Variants in CPNE4 observed in about 807,000 individuals in gnomAD.
The protein encoded by CPNE4 is copine 4.
Under a neutral mutation model 67.9 loss-of-function variants are expected in CPNE4, and 25 were observed. That is an observed-to-expected ratio of 0.37 (90% confidence interval 0.27 to 0.51). CPNE4 has a LOEUF of 0.51. CPNE4 is among the 20% of genes least tolerant of loss of function. CPNE4 has a pLI of 0.93. For synonymous variants in CPNE4, 242 were observed against 244.9 expected (o/e 0.99, Z 0.11); for missense variants, 464 against 690.8 (o/e 0.67, Z 3.68).
chr3:131,730,994 A>G (rs981433493), intron 2 of CPNE4, among the ~76,000 whole-genome samples: 2 of 152,188 alleles, frequency 1.3e-5, no homozygotes, highest in Admixed American at 1.3e-4. Flanking sequence ...CTTAATGGAT[A>G]TATCTCCAAA....
At chr3:131,542,443 T>C (rs1935556776) in intron 15 of CPNE4, 114 bp downstream of exon 15, 2 of 777,794 alleles carry the variant, frequency 2.6e-6, no homozygotes, top group African/African-American at 1.7e-5. Flanking sequence ...AGAGCATAGC[T>C]GGTGTTGCTT....
At chr3:131,541,795 C>T (rs570302221) in intron 15 of CPNE4, among the ~76,000 whole-genome samples, 4 of 152,084 alleles carry the variant, frequency 2.6e-5, no homozygotes, top group Admixed American at 6.5e-5. Flanking sequence ...CTCAGCCTCC[C>T]GAGTAGCTGG....
Position 131,542,603 on chromosome 3 carries a change from A to G in CPNE4, c.1493T>C (p.Val498Ala). The G allele has an allele frequency of 6.2e-7, 1 of 1,614,098 alleles. No individual in the cohort carries two copies. Among genetic ancestry groups the G allele is most frequent in the Non-Finnish European group, 8.5e-7 (1 of 1,179,980 alleles). Residue 498 changes from valine (V) to alanine (A), a missense_variant, in exon 15 of 16, where the codon GTT (valine) becomes GCT (alanine). Physicochemically the swap from Val to Ala is moderately conservative, Grantham distance 64. Transcript: ENST00000429747. ...GILRSPKGEP[V>A]LRDIVQFVPF... ...CACGAACTGGACGATGTCTCGAAGA[A>G]CAGGCTCTCCCTTGGGTGACCTCAG...
intron 1 of CPNE4, among the ~76,000 whole-genome samples, chr3:131,995,015 G>T (rs901631765): frequency 6.6e-6 from 1 of 152,044 alleles, no homozygotes; most frequent in Admixed American, 6.5e-5. Context: ...AAAGGGTCTT[G>T]TTGTTTGTTT....
intron 1 of CPNE4, among the ~76,000 whole-genome samples, chr3:131,957,690 TG>T (rs2107909594): frequency 6.6e-6 from 1 of 152,294 alleles, no homozygotes; most frequent in Non-Finnish European, 1.5e-5. Context: ...CTGCTAACTG[TG>T]GGAGGCATTT....
intron 2 of CPNE4, among the ~76,000 whole-genome samples, chr3:131,739,014 A>G (rs934189520): frequency 5.9e-5 from 9 of 151,832 alleles, no homozygotes; most frequent in African/African-American, 1.9e-4. Context: ...GCCACCACAC[A>G]GGGCTAATTT....
intron 7 of CPNE4, among the ~76,000 whole-genome samples, chr3:131,611,530 C>T (rs1939840408): frequency 6.6e-6 from 1 of 152,112 alleles, no homozygotes; most frequent in Non-Finnish European, 1.5e-5. Flanking sequence ...GTTGGACTTA[C>T]TTATTTAAAT....
At chr3:131,986,609 T>C (rs988371685) in intron 1 of CPNE4, among the ~76,000 whole-genome samples, 3 of 152,008 alleles carry the variant, frequency 2.0e-5, no homozygotes, top group African/African-American at 7.2e-5. Flanking sequence ...AACATAGAAC[T>C]TAAGGAGGCT....
At chr3:131,871,842 T>C (rs1262299045) in intron 2 of CPNE4, among the ~76,000 whole-genome samples, 2 of 152,222 alleles carry the variant, frequency 1.3e-5, no homozygotes, top group African/African-American at 4.8e-5. Context: ...CTCTTTTTCA[T>C]TGACCAGCTC....
At chr3:131,734,833 G>C (rs2082200735) in intron 2 of CPNE4, among the ~76,000 whole-genome samples, 1 of 152,168 alleles carries the variant, frequency 6.6e-6, no homozygotes, top group Non-Finnish European at 1.5e-5. Flanking sequence ...CGAGGCTGCA[G>C]TGAGCCATGA....
intron 7 of CPNE4, among the ~76,000 whole-genome samples, chr3:131,666,131 C>T (rs559424960): frequency 6.6e-6 from 1 of 151,914 alleles, no homozygotes; most frequent in East Asian, 1.9e-4. Flanking sequence ...TGCTACAAAA[C>T]GTAGCATACA....
intron 1 of CPNE4, among the ~76,000 whole-genome samples, chr3:131,926,899 T>C (rs984635259): frequency 1.5e-4 from 23 of 152,072 alleles, no homozygotes; most frequent in Admixed American, 7.2e-4. Context: ...ATGGAACAGC[T>C]TGGGCGAAGG....
intron 9 of CPNE4, among the ~76,000 whole-genome samples, chr3:131,576,369 G>T (rs1430428977): frequency 1.3e-5 from 2 of 152,100 alleles, no homozygotes; most frequent in Admixed American, 1.3e-4. Flanking sequence ...AAATAACAGT[G>T]CTTCTGAGCA....
intron 7 of CPNE4, among the ~76,000 whole-genome samples, chr3:131,597,289 C>T (rs1938935567): frequency 6.6e-6 from 1 of 151,570 alleles, no homozygotes; most frequent in Admixed American, 6.6e-5. Flanking sequence ...AGGGGAACAT[C>T]ACACATCAGG....
At chr3:132,012,633 G>A (rs79388370) in intron 1 of CPNE4, among the ~76,000 whole-genome samples, 2 of 152,120 alleles carry the variant, frequency 1.3e-5, no homozygotes, top group African/African-American at 4.8e-5. Context: ...AAATTAGCAG[G>A]TAAGATGGCA....
chr3:132,034,153 T>C (rs898918328), intron 1 of CPNE4, among the ~76,000 whole-genome samples: 18 of 152,114 alleles, frequency 1.2e-4, no homozygotes, highest in Admixed American at 9.8e-4. Flanking sequence ...GTCCCACAGC[T>C]TTCTCACTGT....
intron 2 of CPNE4, among the ~76,000 whole-genome samples, chr3:131,736,737 G>A (rs2082243785): frequency 6.6e-6 from 1 of 151,988 alleles, no homozygotes; most frequent in African/African-American, 2.4e-5. Context: ...TCTGGGCCTT[G>A]TCTCTACCTT....
intron 2 of CPNE4, among the ~76,000 whole-genome samples, chr3:131,799,922 TGTGTGTG>T (rs1560339484): frequency 3.2e-3 from 8 of 2,466 alleles, no homozygotes; most frequent in Non-Finnish European, 9.3e-3. Flanking sequence ...GTGTGTGTTG[TGTGTGTG>T]TGTGTGTGTG....
intron 2 of CPNE4, among the ~76,000 whole-genome samples, chr3:131,822,313 T>C (rs1294661804): frequency 6.6e-6 from 1 of 152,224 alleles, no homozygotes; most frequent in African/African-American, 2.4e-5. Flanking sequence ...AATTTGTATG[T>C]GTTCCCTAAC....
Sources: allele counts gnomAD v4.1 joint callset (sites outside exome capture counted in the v4.1 genomes callset), GRCh38; gene constraint gnomAD v4.1.1; transcripts MANE v1.5; gene names NCBI Gene and HGNC (gene_info 2026-07-23, HGNC 2026-07-21).